The following PLB1 variants were observed in gnomAD, a reference collection of about 807,000 sequenced individuals.
PLB1 encodes the protein phospholipase B1, also known as phospholipase B1, membrane-associated.
In PLB1, 242 loss-of-function variants were observed where a neutral mutation model predicts 227.4. The ratio of observed to expected loss-of-function variants is 1.06; its 90% CI spans 0.96 to 1.18. The LOEUF (loss-of-function observed/expected upper bound fraction) is 1.18, where lower values mean the gene tolerates loss of function less well. Among genes scored for constraint, PLB1 ranks in the 50% most tolerant of loss-of-function variants. The pLI, the probability that PLB1 is intolerant of heterozygous loss-of-function variation, is 0.00. For missense variants in PLB1, 1,858 were observed against 1,816.3 expected (o/e 1.02, Z -0.42); for synonymous variants, 757 against 682.2 (o/e 1.11, Z -1.71).
chr2:28,596,912 G>A (rs1683016544), intron 33 of PLB1, among the ~76,000 whole-genome samples: 1 of 152,192 alleles, frequency 6.6e-6, no homozygotes, highest in African/African-American at 2.4e-5. Flanking sequence ...TATGACTCAT[G>A]GCCTGTCCCT....
intron 33 of PLB1, 83 bp from the exon 34 acceptor site, chr2:28,597,922 G>T: frequency 1.5e-6 from 2 of 1,326,212 alleles, no homozygotes. Context: ...AGAAGGGTGG[G>T]GGCTGCTCTT....
intron 35 of PLB1, 40 bp from the exon 36 acceptor site, chr2:28,600,769 C>G (rs555284271): frequency 6.2e-7 from 1 of 1,602,054 alleles, no homozygotes; most frequent in South Asian, 1.1e-5. Context: ...ACTATGGGCA[C>G]TGTTCCTCAA....
intron 5 of PLB1, among the ~76,000 whole-genome samples, 182 bp from the exon 6 acceptor site, chr2:28,525,723 T>G (rs1314529636): frequency 6.6e-6 from 1 of 152,112 alleles, no homozygotes; most frequent in Non-Finnish European, 1.5e-5. Context: ...GAGAGCTGTT[T>G]TCCCCATTTT....
At position 28,613,950 on chromosome 2, in the gene PLB1, G is replaced by T. The variant is rs1365817371; in HGVS notation, c.3130-81G>T. The T allele has an allele frequency of 5.6e-6, 6 of 1,081,044 alleles. No individual in the cohort carries two copies. The African/African-American group carries it at 9.3e-5, about 17-fold the overall frequency. 67.0% of individuals were successfully genotyped at this position (1,081,044 alleles called of 1,614,324 possible). A position where few individuals can be genotyped will look rare whatever the true frequency, so the allele number is the denominator to read the frequency against. On this transcript the variant is annotated intron_variant, in intron 43 of 57. Coordinates refer to ENST00000327757, the MANE Select transcript of PLB1 (RefSeq NM_153021.5). ...GAATCATGTTAAATAAATCTACAGG[G>T]CAGGATTGTTAGTTTTTCTCCTTCT...
intron 1 of PLB1, among the ~76,000 whole-genome samples, chr2:28,500,737 C>A (rs565700814): frequency 6.6e-6 from 1 of 151,758 alleles, no homozygotes; most frequent in East Asian, 1.9e-4. Context: ...TATAGTGAGA[C>A]CCCGTCTCCA....
At position 28,632,978 on chromosome 2, in the gene PLB1, A is replaced by T; in HGVS notation, c.4037A>T (p.Asp1346Val). The T allele has an allele frequency of 6.2e-7, 1 of 1,614,022 alleles. No homozygotes were observed. Among genetic ancestry groups the T allele is most frequent in the Non-Finnish European group, 8.5e-7 (1 of 1,180,016 alleles). Residue 1346 changes from aspartate (D) to valine (V), a missense_variant, in exon 56 of 58, where the codon GAC (aspartate) becomes GTC (valine). Physicochemically the swap from Asp to Val is radical, Grantham distance 152. Transcript: ENST00000327757. ...GDTDLTFFSE[D>V]CFHFSDRGHA... ...ACTGACCTCACCTTCTTCTCCGAGG[A>T]CTGTTTTCACTTCTCAGACCGCGGG...
intron 33 of PLB1, chr2:28,594,079 T>A (rs762032312): frequency 1.5e-6 from 1 of 653,124 alleles, no homozygotes; most frequent in South Asian, 1.4e-5. Context: ...CTTGCATGTA[T>A]ACGTGTACAC....
intron 1 of PLB1, among the ~76,000 whole-genome samples, chr2:28,516,348 T>C (rs1482894292): frequency 6.6e-6 from 1 of 152,188 alleles, no homozygotes; most frequent in Non-Finnish European, 1.5e-5. Context: ...CAGTCATGGC[T>C]GCTAGGAATC....
intron 33 of PLB1, 23 bp from the exon 34 acceptor site, chr2:28,597,982 A>G: frequency 6.2e-7 from 1 of 1,607,560 alleles, no homozygotes; most frequent in East Asian, 2.2e-5. Flanking sequence ...CCTCTCATTC[A>G]CTGGCTTGCT....
At chr2:28,582,261 G>A (rs180785295) in intron 24 of PLB1, 128 bp downstream of exon 24, 2 of 1,232,892 alleles carry the variant, frequency 1.6e-6, no homozygotes, top group Non-Finnish European at 1.2e-6. Flanking sequence ...ATGCATAGAG[G>A]GGGAGCAGGG....
chr2:28,599,671 C>T (rs547160327), intron 35 of PLB1, among the ~76,000 whole-genome samples: 25 of 152,190 alleles, frequency 1.6e-4, no homozygotes, highest in Non-Finnish European at 3.1e-4. Context: ...GGCTGGAATG[C>T]AGTGGCACAA....
At chr2:28,562,277 C>G (rs1378553414) in intron 17 of PLB1, among the ~76,000 whole-genome samples, 1 of 152,062 alleles carries the variant, frequency 6.6e-6, no homozygotes, top group Admixed American at 6.5e-5. Context: ...GGCGCGTTGG[C>G]TCTCGCCTGT....
intron 33 of PLB1, chr2:28,595,186 T>C (rs1682705927): frequency 6.6e-6 from 1 of 152,228 alleles, no homozygotes; most frequent in African/African-American, 2.4e-5. Context: ...CAGCCATTGC[T>C]CTGTTTCTTC....
At chr2:28,597,264 G>GAAA (rs57713254) in intron 33 of PLB1, among the ~76,000 whole-genome samples, 15 of 85,542 alleles carry the variant, frequency 1.8e-4, no homozygotes, top group African/African-American at 4.4e-4. Flanking sequence ...ACTCCGTCTC[G>GAAA]AAAAAAAAAA....
At chr2:28,617,815 A>T (rs776672278) in intron 45 of PLB1, 28 bp downstream of exon 45, 19 of 1,602,142 alleles carry the variant, frequency 1.2e-5, no homozygotes, top group Non-Finnish European at 1.6e-5. Flanking sequence ...CATCTCCTTC[A>T]ATTAAGGGCC....
At chr2:28,628,156 G>A (rs561478236) in intron 51 of PLB1, among the ~76,000 whole-genome samples, 7 of 152,190 alleles carry the variant, frequency 4.6e-5, no homozygotes, top group Non-Finnish European at 1.0e-4. Flanking sequence ...AACATTTCAG[G>A]CAGTGGGACC....
At chr2:28,591,506 C>T (rs566036517) in intron 30 of PLB1, among the ~76,000 whole-genome samples, 194 bp from the exon 31 acceptor site, 12 of 152,174 alleles carry the variant, frequency 7.9e-5, no homozygotes, top group African/African-American at 1.7e-4. Flanking sequence ...GGTCTGAACT[C>T]GATGAGTGGA....
chr2:28,601,838 T>A, intron 37 of PLB1, 61 bp from the exon 38 acceptor site: 2 of 1,385,870 alleles, frequency 1.4e-6, no homozygotes, highest in Non-Finnish European at 1.0e-6. Flanking sequence ...AGTTGAGAAC[T>A]GCCCCACTGC....
In PLB1 at chr2:28,545,075, T is replaced by G. The variant is rs375938479; in HGVS notation, c.936+1807T>G. ...AAGGTACACCCCACGTACGGTCTCT[T>G]AAAACTACTCGAGGGTCAGAATGAG... On this transcript the variant is annotated intron_variant, in intron 14 of 57. Transcript: ENST00000327757. Among the ~76,000 whole-genome samples the G allele has an allele frequency of 1.8e-4, 27 of 152,206 alleles. No homozygotes were observed. In the East Asian group the frequency reaches 2.7e-3, roughly 15 times the overall value.
Sources: gnomAD v4.1 joint callset for allele counts (sites outside exome capture counted in the v4.1 genomes callset) on GRCh38, gnomAD v4.1.1 for gene constraint, MANE v1.5 for transcripts, NCBI Gene and HGNC (gene_info 2026-07-23, HGNC 2026-07-21) for gene names.